The following SPRYD3 variants were observed in gnomAD, a reference collection of about 807,000 sequenced individuals.
The protein encoded by SPRYD3 is SPRY domain-containing protein 3.
In SPRYD3, 17 loss-of-function variants were observed where a neutral mutation model predicts 50.1. The ratio of observed to expected loss-of-function variants is 0.34; its 90% CI spans 0.23 to 0.51. The LOEUF (loss-of-function observed/expected upper bound fraction) is 0.51, where lower values mean the gene tolerates loss of function less well. SPRYD3 is among the 20% of genes least tolerant of loss of function. The pLI is 0.97. For synonymous variants in SPRYD3, 198 were observed against 215.5 expected (o/e 0.92, Z 0.71); for missense variants, 401 against 591.2 (o/e 0.68, Z 3.34).
chr12:53,073,255 A>AGGCCCCGGGGGGGGGG, intron 6 of SPRYD3, 31 bp downstream of exon 6: 8 of 383,660 alleles, frequency 2.1e-5, no homozygotes, highest in East Asian at 4.4e-5. Context: ...CCTCCGACCC[A>AGGCCCCGGGGGGGGGG]GCCCCTCCCA....
intron 1 of SPRYD3, chr12:53,078,108 G>C: frequency 2.2e-6 from 1 of 454,936 alleles, no homozygotes; most frequent in Non-Finnish European, 4.4e-6. Context: ...GAGTCTGGCA[G>C]GTCAAGGCTG....
chr12:53,079,225 G>A (rs1207247530), intron 1 of SPRYD3, 86 bp downstream of exon 1: 4 of 1,382,014 alleles, frequency 2.9e-6, no homozygotes, highest in Non-Finnish European at 4.0e-6. Context: ...CCTGGCCCCA[G>A]AGCCCCCGCC....
At chr12:53,079,067 C>A (rs1044723281) in intron 1 of SPRYD3, among the ~76,000 whole-genome samples, 2 of 152,220 alleles carry the variant, frequency 1.3e-5, no homozygotes, top group African/African-American at 4.8e-5. Context: ...TGTCTCCTCC[C>A]CGGGCACGGC....
chr12:53,071,950 G>A (rs1257835817), intron 6 of SPRYD3, among the ~76,000 whole-genome samples: 1 of 152,072 alleles, frequency 6.6e-6, no homozygotes, highest in African/African-American at 2.4e-5. Context: ...GAAGGTGTTG[G>A]GGGGAGGGTG....
At position 53,066,391 on chromosome 12, in the gene SPRYD3, C is replaced by T. The variant is rs1229857766; in HGVS notation, c.1117G>A (p.Glu373Lys). Residue 373 changes from glutamate to lysine, a missense_variant, in exon 10 of 11, where the codon GAA (glutamate) becomes AAA (lysine). Physicochemically the swap from Glu to Lys is moderately conservative, Grantham distance 56 (BLOSUM62 1). Coordinates refer to ENST00000301463, the MANE Select transcript of SPRYD3 (RefSeq NM_032840.3). ...TCTTCCTCTTCCTCCTCTTCCTCTT[C>T]CCCTTCCTGGTGCAGGTACATGACA... is the stretch of plus-strand genomic sequence containing the variant. Reference protein sequence around the residue: ...RNVMYLHQEGEEEEEEEEEEE... With the variant: ...RNVMYLHQEGKEEEEEEEEEE... The T allele has an allele frequency of 6.2e-7, 1 of 1,614,198 alleles. No individual in the cohort carries two copies. The highest frequency in any genetic ancestry group is 8.5e-7 in the Non-Finnish European group (1 of 1,180,014).
intron 6 of SPRYD3, among the ~76,000 whole-genome samples, chr12:53,072,852 G>A (rs1220313852): frequency 1.3e-5 from 2 of 152,156 alleles, no homozygotes; most frequent in Non-Finnish European, 2.9e-5. Context: ...CAAAAAAGAT[G>A]GCTAAGAACC....
chr12:53,077,357 AGGCCAGCTG>A, intron 1 of SPRYD3, 96 bp from the exon 2 acceptor site: 1 of 1,370,320 alleles, frequency 7.3e-7, no homozygotes, highest in South Asian at 1.3e-5. Flanking sequence ...ACTGGCCTTG[AGGCCAGCTG>A]CCCAGATTGA....
chr12:53,066,385 C>T lies in SPRYD3; in HGVS notation c.1123G>A (p.Glu375Lys). ...TCTTCCTCTTCCTCTTCCTCCTCTTCCTCTTCCCCTTCCTGGTGCAGGTAC... is the reference window on the plus strand; with the variant it reads ...TCTTCCTCTTCCTCTTCCTCCTCTTTCTCTTCCCCTTCCTGGTGCAGGTAC... The part of the protein sequence containing the change: ...VMYLHQEGEE[E>K]EEEEEEEEDG... The change falls in exon 10 of 11, where the codon GAA becomes AAA. Residue 375 changes from glutamate to lysine, a missense_variant. Transcript: ENST00000301463. The T allele has an allele frequency of 6.2e-7, 1 of 1,614,194 alleles. No homozygotes were observed. The highest frequency in any genetic ancestry group is 8.5e-7 in the Non-Finnish European group (1 of 1,180,008).
Position 53,066,205 on chromosome 12 carries a change from C to G in SPRYD3, c.1194+109G>C, listed in dbSNP as rs930196203. 5 of 1,536,862 alleles carry G rather than the reference C, an allele frequency of 3.3e-6. No individual in the cohort carries two copies. The African/African-American group carries it at 4.1e-5, about 13-fold the overall frequency. On this transcript the variant is annotated intron_variant, in intron 10 of 10. Transcript: ENST00000301463. ...GCTGGGAACAGCCCTTGGGCAACGC[C>G]AGAGCTTCCCGTCTTTCCCACCCTG...
chr12:53,077,313 C>A (rs1336784872), intron 1 of SPRYD3, 52 bp from the exon 2 acceptor site: 3 of 1,602,864 alleles, frequency 1.9e-6, no homozygotes, highest in Non-Finnish European at 8.5e-7. Context: ...AGGTAAAGCA[C>A]CTCAGCCTCT....
chr12:53,070,773 G>C (rs1358105287), intron 6 of SPRYD3, among the ~76,000 whole-genome samples: 1 of 152,142 alleles, frequency 6.6e-6, no homozygotes, highest in East Asian at 1.9e-4. Context: ...CAACTACAAT[G>C]GTCCCTTAGG....
chr12:53,073,256 G>GCCCCCGGGGGGGGGGGCCCCCCC, intron 6 of SPRYD3, 30 bp downstream of exon 6: 3 of 424,134 alleles, frequency 7.1e-6, no homozygotes, highest in East Asian at 7.6e-5. Flanking sequence ...CTCCGACCCA[G>GCCCCCGGGGGGGGGGGCCCCCCC]CCCCTCCCAC....
chr12:53,070,771 A>G (rs191177631), intron 6 of SPRYD3, among the ~76,000 whole-genome samples: 4 of 152,272 alleles, frequency 2.6e-5, no homozygotes, highest in East Asian at 1.9e-4. Context: ...TCCAACTACA[A>G]TGGTCCCTTA....
At chr12:53,066,775 C>G in intron 8 of SPRYD3, 83 bp from the exon 9 acceptor site, 1 of 1,484,342 alleles carries the variant, frequency 6.7e-7, no homozygotes, top group Non-Finnish European at 9.1e-7. Flanking sequence ...AAGCTGAACA[C>G]TTCCCACCCC....
At chr12:53,077,510 T>C (rs1592267406) in intron 1 of SPRYD3, among the ~76,000 whole-genome samples, 1 of 151,942 alleles carries the variant, frequency 6.6e-6, no homozygotes, top group Non-Finnish European at 1.5e-5. Flanking sequence ...GGCTGGGAGG[T>C]GGACACGACA....
At chr12:53,066,225 A>C in intron 10 of SPRYD3, 89 bp downstream of exon 10, 2 of 1,549,686 alleles carry the variant, frequency 1.3e-6, no homozygotes, top group Non-Finnish European at 8.7e-7. Flanking sequence ...CGTCTTTCCC[A>C]CCCTGGTTGT....
In SPRYD3 at chr12:53,068,320, C is replaced by T. The variant is rs1304543156; in HGVS notation, c.694-16G>A. On this transcript the variant is annotated splice_polypyrimidine_tract_variant and intron_variant, in intron 6 of 10. Coordinates refer to ENST00000301463, the MANE Select transcript of SPRYD3 (RefSeq NM_032840.3). ...ACTCCAGCAGCTGTGGGGGAAGAGC[C>T]AGATGGGGGTCAGGGGACAGGCTGA... 6.2e-7 allele frequency: 1 copy of T among 1,613,150 alleles called. No homozygotes were observed. Among genetic ancestry groups the T allele is most frequent in the African/African-American group, 1.3e-5 (1 of 75,056 alleles).
At chr12:53,069,359 G>A (rs926648827) in intron 6 of SPRYD3, among the ~76,000 whole-genome samples, 2 of 152,114 alleles carry the variant, frequency 1.3e-5, no homozygotes, top group African/African-American at 2.4e-5. Context: ...TTGGGACGCC[G>A]GCCTCTCACC....
chr12:53,068,480 A>C (rs1219977604), intron 6 of SPRYD3, among the ~76,000 whole-genome samples, 176 bp from the exon 7 acceptor site: 1 of 152,248 alleles, frequency 6.6e-6, no homozygotes, highest in Non-Finnish European at 1.5e-5. Flanking sequence ...ATGGAAGAGC[A>C]GGATGGGGTG....
Sources: allele counts gnomAD v4.1 joint callset (sites outside exome capture counted in the v4.1 genomes callset), GRCh38; gene constraint gnomAD v4.1.1; transcripts MANE v1.5; gene names NCBI Gene and HGNC (gene_info 2026-07-23, HGNC 2026-07-21).